The following L3MBTL3 variants were observed in gnomAD, a reference collection of about 807,000 sequenced individuals.
L3MBTL3 encodes L3MBTL histone methyl-lysine binding protein 3.
A neutral mutation model predicts 102.3 loss-of-function variants in L3MBTL3; 27 were observed. The observed-to-expected ratio is 0.26, with a 90% confidence interval of 0.19 to 0.36. L3MBTL3 has a LOEUF of 0.36. Ranked by LOEUF, L3MBTL3 falls within the 10% of genes least tolerant of loss-of-function variation. L3MBTL3 has a pLI of 1.00. For synonymous variants in L3MBTL3, 340 were observed against 320.9 expected, an observed-to-expected ratio of 1.06 and a Z score of -0.64; for missense variants, 798 against 955.3, an observed-to-expected ratio of 0.84 and a Z score of 2.17.
At chr6:130,074,044 G>C (rs1388843197) in intron 13 of L3MBTL3, among the ~76,000 whole-genome samples, 1 of 152,110 alleles carries the variant, frequency 6.6e-6, no homozygotes, top group Non-Finnish European at 1.5e-5. Flanking sequence ...TTTGATCTTT[G>C]AATTTTGGAA....
At chr6:130,084,596 T>A (rs1783561086) in intron 15 of L3MBTL3, among the ~76,000 whole-genome samples, 1 of 152,304 alleles carries the variant, frequency 6.6e-6, no homozygotes, top group Middle Eastern at 3.4e-3. Flanking sequence ...GAAAACTGTT[T>A]AGAGTTATGC....
At chr6:130,065,602 C>T (rs931690965) in intron 10 of L3MBTL3, among the ~76,000 whole-genome samples, 20 of 152,158 alleles carry the variant, frequency 1.3e-4, no homozygotes, top group East Asian at 1.9e-4. Context: ...ACTCCTGGAG[C>T]GGGTAGAGGT....
At chr6:130,034,467 T>A (rs1483253731) in intron 2 of L3MBTL3, among the ~76,000 whole-genome samples, 1 of 152,226 alleles carries the variant, frequency 6.6e-6, no homozygotes, top group African/African-American at 2.4e-5. Flanking sequence ...TTTCTACTTA[T>A]TTCCTTTTGG....
At chr6:130,104,612 A>G in intron 19 of L3MBTL3, 37 bp downstream of exon 19, 1 of 1,390,554 alleles carries the variant, frequency 7.2e-7, no homozygotes, top group Non-Finnish European at 9.5e-7. Flanking sequence ...GTTTAGAAGT[A>G]CTCTAATTTA....
At chr6:130,047,745 T>G (rs1780817270) in intron 3 of L3MBTL3, among the ~76,000 whole-genome samples, 1 of 152,216 alleles carries the variant, frequency 6.6e-6, no homozygotes, top group Non-Finnish European at 1.5e-5. Flanking sequence ...AGTTTGTTTT[T>G]TCTGCTCTTG....
At chr6:130,101,560 C>T (rs1290500858) in intron 18 of L3MBTL3, among the ~76,000 whole-genome samples, 2 of 152,170 alleles carry the variant, frequency 1.3e-5, no homozygotes, top group Non-Finnish European at 2.9e-5. Context: ...GAGGTGAAGG[C>T]AGGTCAGACC....
chr6:130,112,197 G>A (rs1785394319), intron 19 of L3MBTL3, among the ~76,000 whole-genome samples: 1 of 152,144 alleles, frequency 6.6e-6, no homozygotes, highest in Non-Finnish European at 1.5e-5. Context: ...AAACACCTCT[G>A]TGTACTTTGC....
intron 2 of L3MBTL3, among the ~76,000 whole-genome samples, chr6:130,028,590 C>A (rs1242121456): frequency 6.6e-6 from 1 of 152,186 alleles, no homozygotes; most frequent in Non-Finnish European, 1.5e-5. Flanking sequence ...TTTCACATCT[C>A]TCCACAACAG....
intron 2 of L3MBTL3, among the ~76,000 whole-genome samples, chr6:130,041,688 C>T (rs372804616): frequency 3.3e-4 from 50 of 152,198 alleles, no homozygotes; most frequent in Middle Eastern, 3.4e-3. Context: ...AAGAAAGGGG[C>T]CAGAAGAAGG....
At chr6:130,023,872 C>T (rs569782998) in intron 2 of L3MBTL3, among the ~76,000 whole-genome samples, 46 of 152,220 alleles carry the variant, frequency 3.0e-4, no homozygotes, top group Non-Finnish European at 6.0e-4. Context: ...AGGAGTATAT[C>T]TTGTCTTGAG....
intron 1 of L3MBTL3, among the ~76,000 whole-genome samples, chr6:130,021,369 T>C (rs917588095): frequency 1.3e-5 from 2 of 152,202 alleles, no homozygotes; most frequent in African/African-American, 2.4e-5. Flanking sequence ...TGATCAGAAA[T>C]TGAAAGTTTA....
At chr6:130,076,534 T>G (rs1198887854) in intron 13 of L3MBTL3, among the ~76,000 whole-genome samples, 1 of 152,188 alleles carries the variant, frequency 6.6e-6, no homozygotes, top group Non-Finnish European at 1.5e-5. Context: ...GTCTTAGCAG[T>G]CATTATGAAT....
chr6:130,090,622 GTCT>G (rs1186729152), intron 16 of L3MBTL3, among the ~76,000 whole-genome samples: 1 of 151,838 alleles, frequency 6.6e-6, no homozygotes, highest in African/African-American at 2.4e-5. Context: ...TTGAGACAAG[GTCT>G]CACTCTGTCG....
At chr6:130,130,569 G>C (rs1786940466) in intron 20 of L3MBTL3, among the ~76,000 whole-genome samples, 1 of 152,046 alleles carries the variant, frequency 6.6e-6, no homozygotes, top group South Asian at 2.1e-4. Context: ...TCCGTATTTT[G>C]CTACACAAAA....
intron 9 of L3MBTL3, among the ~76,000 whole-genome samples, chr6:130,058,380 G>A (rs1303019685): frequency 2.0e-5 from 3 of 151,906 alleles, no homozygotes; most frequent in Admixed American, 6.6e-5. Flanking sequence ...ATGCCTGCCT[G>A]CAGTCTCATC....
chr6:130,105,254 A>G (rs1784917503), intron 19 of L3MBTL3, among the ~76,000 whole-genome samples: 1 of 152,172 alleles, frequency 6.6e-6, no homozygotes, highest in Non-Finnish European at 1.5e-5. Flanking sequence ...AAGGCTACCT[A>G]GTTTATTTTT....
chr6:130,129,960 C>T (rs1786893763), intron 20 of L3MBTL3, among the ~76,000 whole-genome samples: 1 of 152,208 alleles, frequency 6.6e-6, no homozygotes, highest in Admixed American at 6.5e-5. Context: ...AATGAAGCTG[C>T]TTTCTTTATT....
intron 10 of L3MBTL3, among the ~76,000 whole-genome samples, chr6:130,062,173 C>T (rs964238952): frequency 6.6e-6 from 1 of 152,000 alleles, no homozygotes; most frequent in Admixed American, 6.6e-5. Context: ...GTAATGTTTG[C>T]TCATTATGAA....
intron 9 of L3MBTL3, among the ~76,000 whole-genome samples, chr6:130,057,829 A>T (rs919045048): frequency 4.6e-5 from 7 of 152,224 alleles, no homozygotes; most frequent in Admixed American, 4.6e-4. Context: ...TCATGTCAAC[A>T]TTGTGGCTTT....
Sources: gnomAD v4.1 joint callset for allele counts (sites outside exome capture counted in the v4.1 genomes callset) on GRCh38, gnomAD v4.1.1 for gene constraint, MANE v1.5 for transcripts, NCBI Gene and HGNC (gene_info 2026-07-23, HGNC 2026-07-21) for gene names.